CTNNA2: variants seen among roughly 807,000 people sequenced by gnomAD.
CTNNA2 encodes catenin alpha-2.
A neutral mutation model predicts 101.0 loss-of-function variants in CTNNA2; 42 were observed. The ratio of observed to expected loss-of-function variants is 0.42; its 90% CI spans 0.32 to 0.54. CTNNA2 has a LOEUF of 0.54. CTNNA2 is among the 20% of genes least tolerant of loss of function. The pLI is 0.14. For synonymous variants in CTNNA2, 450 were observed against 456.4 expected (o/e 0.99, Z 0.18); for missense variants, 871 against 1,223.1 (o/e 0.71, Z 4.29).
intron 7 of CTNNA2, among the ~76,000 whole-genome samples, chr2:80,012,585 TGG>T (rs1693867116): frequency 6.6e-6 from 1 of 152,218 alleles, no homozygotes; most frequent in Non-Finnish European, 1.5e-5. Context: ...TCTCCTGTCA[TGG>T]CATGAATGCA....
At chr2:80,235,200 G>A (rs968553144) in intron 7 of CTNNA2, among the ~76,000 whole-genome samples, 2 of 152,098 alleles carry the variant, frequency 1.3e-5, no homozygotes, top group Non-Finnish European at 2.9e-5. Context: ...ATATATGAAA[G>A]TAAGTTTGTT....
intron 9 of CTNNA2, among the ~76,000 whole-genome samples, chr2:80,505,278 G>A (rs970813266): frequency 2.0e-5 from 3 of 152,136 alleles, no homozygotes; most frequent in Admixed American, 6.5e-5. Context: ...GATAATTTAC[G>A]TAAAGCTCCC....
chr2:79,362,035 C>G (rs1306058472), intron 3 of CTNNA2, among the ~76,000 whole-genome samples: 1 of 152,162 alleles, frequency 6.6e-6, no homozygotes, highest in African/African-American at 2.4e-5. Context: ...AACCATCATA[C>G]TAGCCAAAAT....
intron 7 of CTNNA2, among the ~76,000 whole-genome samples, chr2:80,069,916 G>A (rs1698220961): frequency 6.6e-6 from 1 of 152,210 alleles, no homozygotes; most frequent in Non-Finnish European, 1.5e-5. Context: ...AAGGGTCTGG[G>A]CTATTCGTAC....
intron 3 of CTNNA2, among the ~76,000 whole-genome samples, chr2:79,842,544 A>C (rs1679902803): frequency 6.6e-6 from 1 of 152,112 alleles, no homozygotes; most frequent in Non-Finnish European, 1.5e-5. Flanking sequence ...TTGTGTTATA[A>C]GTTTTTCTAA....
intron 7 of CTNNA2, among the ~76,000 whole-genome samples, chr2:80,260,227 A>G (rs568366593): frequency 5.5e-4 from 84 of 152,200 alleles, no homozygotes; most frequent in Admixed American, 4.8e-3. Flanking sequence ...TCAGTAATGT[A>G]GCAATTAGTA....
At chr2:79,376,139 G>A (rs1456958640) in intron 4 of CTNNA2, among the ~76,000 whole-genome samples, 1 of 152,186 alleles carries the variant, frequency 6.6e-6, no homozygotes, top group East Asian at 1.9e-4. Flanking sequence ...GATGAGGTTA[G>A]AAGTAAGACG....
chr2:79,796,838 T>G (rs1558936970), intron 3 of CTNNA2, among the ~76,000 whole-genome samples: 1 of 152,182 alleles, frequency 6.6e-6, no homozygotes, highest in Non-Finnish European at 1.5e-5. Context: ...CCGTCTTTAT[T>G]ATGCATTCCT....
rs1212113681 is a variant in CTNNA2 at position 79,197,767 on chromosome 2, C to A, written c.-523-192C>A. On this transcript the variant is annotated intron_variant, in intron 1 of 21. Transcript: ENST00000466387. ...TTACTTATGTGATCCTTGTCAGGTA[C>A]TTTTTTTGTTGTGGTTGTTGTTGTT... is the stretch of plus-strand genomic sequence containing the variant. 2.0e-5 allele frequency among the ~76,000 whole-genome samples: 3 copies of A among 152,186 alleles called. No homozygotes were observed. The East Asian group carries it at 5.8e-4, about 30-fold the overall frequency.
At chr2:80,300,279 GGGGTGTGTGTGT>G (rs1177235084) in intron 7 of CTNNA2, among the ~76,000 whole-genome samples, 5,197 of 128,032 alleles carry the variant, frequency 0.041, 172 homozygotes, top group African/African-American at 0.073. Flanking sequence ...CTGGGGTGTT[GGGGTGTGTGTGT>G]GTGTGTGTGT....
At chr2:79,932,482 C>CTTT (rs1029906838) in intron 7 of CTNNA2, among the ~76,000 whole-genome samples, 6 of 140,546 alleles carry the variant, frequency 4.3e-5, no homozygotes, top group African/African-American at 1.0e-4. Flanking sequence ...GTGTGAGATT[C>CTTT]TTTTTTTTTT....
At chr2:79,656,084 C>T (rs1681595382) in intron 2 of CTNNA2, among the ~76,000 whole-genome samples, 1 of 152,092 alleles carries the variant, frequency 6.6e-6, no homozygotes, top group African/African-American at 2.4e-5. Flanking sequence ...TCCTAGTATT[C>T]CATACTGATT....
chr2:80,287,386 T>A (rs1006803703), intron 7 of CTNNA2, among the ~76,000 whole-genome samples: 16 of 152,200 alleles, frequency 1.1e-4, no homozygotes, highest in African/African-American at 3.6e-4. Flanking sequence ...CTACTTTATA[T>A]GATTCATCTA....
chr2:79,567,533 G>T (rs2104180327), intron 1 of CTNNA2, among the ~76,000 whole-genome samples: 1 of 151,864 alleles, frequency 6.6e-6, no homozygotes, highest in South Asian at 2.1e-4. Flanking sequence ...TCATATTTCT[G>T]CCCAAATATG....
intron 2 of CTNNA2, among the ~76,000 whole-genome samples, chr2:79,658,314 A>G (rs562190191): frequency 1.3e-5 from 2 of 152,088 alleles, no homozygotes; most frequent in East Asian, 1.9e-4. Flanking sequence ...AATAATTTCT[A>G]CATCATAACA....
At chr2:80,213,973 C>T (rs1708083009) in intron 7 of CTNNA2, among the ~76,000 whole-genome samples, 1 of 152,056 alleles carries the variant, frequency 6.6e-6, no homozygotes, top group Non-Finnish European at 1.5e-5. Flanking sequence ...AAGTAATGGC[C>T]TTCTTTGTCT....
chr2:79,320,902 G>T (rs1298890912), intron 3 of CTNNA2, among the ~76,000 whole-genome samples: 2 of 152,190 alleles, frequency 1.3e-5, no homozygotes, highest in Non-Finnish European at 2.9e-5. Context: ...AGTTATAACA[G>T]TTAAAGAATT....
intron 8 of CTNNA2, among the ~76,000 whole-genome samples, chr2:80,400,832 C>A (rs1016022974): frequency 6.6e-6 from 1 of 152,182 alleles, no homozygotes; most frequent in Non-Finnish European, 1.5e-5. Flanking sequence ...ATGGCCATGG[C>A]CACAACCTCA....
chr2:80,046,349 A>T (rs918623482), intron 7 of CTNNA2, among the ~76,000 whole-genome samples: 2 of 152,178 alleles, frequency 1.3e-5, no homozygotes, highest in Non-Finnish European at 2.9e-5. Flanking sequence ...GGAGGTATAT[A>T]TGTCTCCATC....
Sources: gnomAD v4.1 joint callset for allele counts (sites outside exome capture counted in the v4.1 genomes callset) on GRCh38, gnomAD v4.1.1 for gene constraint, MANE v1.5 for transcripts, NCBI Gene and HGNC (gene_info 2026-07-23, HGNC 2026-07-21) for gene names.